L3MBTL4: variants seen among roughly 807,000 people sequenced by gnomAD.
L3MBTL4 encodes the protein lethal(3)malignant brain tumor-like protein 4.
L3MBTL4 carries 70 observed loss-of-function variants against 84.5 expected under a neutral mutation model. The ratio of observed to expected loss-of-function variants is 0.83; its 90% CI spans 0.68 to 1.01. The LOEUF is 1.01. Among genes scored for constraint, L3MBTL4 ranks in the 50% least tolerant of loss-of-function variants. The probability of loss-of-function intolerance (pLI) is 0.00; values close to 1 mark genes in which losing one functional copy is unlikely to be tolerated. For synonymous variants in L3MBTL4, 274 were observed against 259.8 expected (o/e 1.05, Z -0.52); for missense variants, 715 against 754.8 (o/e 0.95, Z 0.62).
At chr18:6,405,339 G>A (rs1309728634) in intron 1 of L3MBTL4, among the ~76,000 whole-genome samples, 2 of 152,162 alleles carry the variant, frequency 1.3e-5, no homozygotes, top group African/African-American at 4.8e-5. Context: ...TGGAGGGAGC[G>A]CAATGCGATC....
At chr18:5,959,283 C>T (rs2095250207) in intron 18 of L3MBTL4, among the ~76,000 whole-genome samples, 1 of 152,182 alleles carries the variant, frequency 6.6e-6, no homozygotes, top group Non-Finnish European at 1.5e-5. Flanking sequence ...CCTTTTCTTG[C>T]TCTGCCTCAC....
intron 16 of L3MBTL4, among the ~76,000 whole-genome samples, chr18:6,013,033 T>G (rs2054806689): frequency 6.6e-6 from 1 of 152,168 alleles, no homozygotes; most frequent in Admixed American, 6.5e-5. Flanking sequence ...TTTCCTCGCC[T>G]GATGGAGCAG....
At chr18:6,204,790 A>C (rs2045801545) in intron 12 of L3MBTL4, among the ~76,000 whole-genome samples, 1 of 152,150 alleles carries the variant, frequency 6.6e-6, no homozygotes, top group Admixed American at 6.5e-5. Context: ...ATTACACTGA[A>C]CTGTCACACT....
intron 15 of L3MBTL4, among the ~76,000 whole-genome samples, chr18:6,090,873 C>A (rs2058431426): frequency 6.7e-6 from 1 of 149,340 alleles, no homozygotes; most frequent in Admixed American, 6.7e-5. Flanking sequence ...TCTAATGTGA[C>A]AAATGTTGCT....
chr18:6,029,077 C>G (rs369858840), intron 16 of L3MBTL4, among the ~76,000 whole-genome samples: 1 of 152,094 alleles, frequency 6.6e-6, no homozygotes, highest in Non-Finnish European at 1.5e-5. Context: ...TTTAAATCAC[C>G]GAAACCATGA....
At chr18:5,980,369 G>A (rs965885454) in intron 16 of L3MBTL4, among the ~76,000 whole-genome samples, 1 of 150,916 alleles carries the variant, frequency 6.6e-6, no homozygotes, top group Non-Finnish European at 1.5e-5. Flanking sequence ...CGTCTCAGGT[G>A]TACACCATAT....
intron 16 of L3MBTL4, among the ~76,000 whole-genome samples, chr18:6,026,605 C>T (rs146536707): frequency 2.4e-4 from 36 of 152,284 alleles, no homozygotes; most frequent in African/African-American, 8.2e-4. Context: ...AAGTCATGAA[C>T]ACCTATTCAA....
rs1429702183 is a variant in L3MBTL4, at chr18:6,212,763, G to C, written c.981+386C>G. Among the ~76,000 whole-genome samples the C allele has an allele frequency of 2.0e-5, 3 of 152,292 alleles. No individual in the cohort carries two copies. In the East Asian group the frequency reaches 5.8e-4, roughly 29 times the overall value. ...CAAAACAGCAAATCCAAACAGAAAA[G>C]TATTAGAATATCTCTCAAAGTCAGT... On this transcript the variant is annotated intron_variant, in intron 12 of 18. Coordinates refer to ENST00000317931, the MANE Select transcript of L3MBTL4 (RefSeq NM_001330559.2).
intron 1 of L3MBTL4, among the ~76,000 whole-genome samples, chr18:6,338,179 A>AGAG (rs921191745): frequency 9.2e-5 from 14 of 151,706 alleles, no homozygotes; most frequent in African/African-American, 3.4e-4. Flanking sequence ...AGAAGGAGAA[A>AGAG]GAGGAGGAGG....
chr18:6,297,191 T>C (rs2050141740), intron 4 of L3MBTL4, among the ~76,000 whole-genome samples: 1 of 152,136 alleles, frequency 6.6e-6, no homozygotes, highest in Non-Finnish European at 1.5e-5. Flanking sequence ...CATGGTGAGT[T>C]GATGGCAGAT....
chr18:6,002,001 G>A (rs536376034), intron 16 of L3MBTL4, among the ~76,000 whole-genome samples: 2 of 152,114 alleles, frequency 1.3e-5, no homozygotes, highest in South Asian at 2.1e-4. Context: ...TACTATAATC[G>A]AACTTTCAAA....
chr18:6,305,660 A>C lies in L3MBTL4; in HGVS notation c.73-3703T>G, dbSNP rs542587526. ...CTGAAAAACAGGGAGATAATGGTTT[A>C]AGGAACATAAAATAAGTCTTTGCTA... On this transcript the variant is annotated intron_variant, in intron 3 of 18. Coordinates refer to ENST00000317931, the MANE Select transcript of L3MBTL4 (RefSeq NM_001330559.2). Among the ~76,000 whole-genome samples the C allele has an allele frequency of 2.0e-5, 3 of 152,340 alleles. No homozygotes were observed. The East Asian group carries it at 5.8e-4, about 29-fold the overall frequency.
At chr18:6,051,771 CG>C (rs1297992282) in intron 16 of L3MBTL4, among the ~76,000 whole-genome samples, 1 of 152,106 alleles carries the variant, frequency 6.6e-6, no homozygotes, top group Admixed American at 6.5e-5. Flanking sequence ...GTTTCCTCCT[CG>C]GAGTGGTGAG....
chr18:6,178,276 A>G (rs1448880233), intron 12 of L3MBTL4, among the ~76,000 whole-genome samples: 2 of 152,164 alleles, frequency 1.3e-5, no homozygotes, highest in African/African-American at 4.8e-5. Context: ...CAATGATGTG[A>G]TTCTCCCCTC....
intron 10 of L3MBTL4, among the ~76,000 whole-genome samples, chr18:6,219,333 T>C (rs192638966): frequency 6.6e-6 from 1 of 152,028 alleles, no homozygotes; most frequent in Admixed American, 6.5e-5. Context: ...GGCATAGAAC[T>C]GCGACAGCGA....
chr18:6,175,293 C>G (rs960151071), intron 12 of L3MBTL4, among the ~76,000 whole-genome samples: 3 of 152,056 alleles, frequency 2.0e-5, no homozygotes, highest in Non-Finnish European at 4.4e-5. Context: ...AAAACGCTAA[C>G]AGGAAACATA....
intron 16 of L3MBTL4, among the ~76,000 whole-genome samples, chr18:6,005,547 A>G (rs886729126): frequency 1.3e-5 from 2 of 152,094 alleles, no homozygotes; most frequent in African/African-American, 4.8e-5. Context: ...TGTCCATATG[A>G]ACTCGATGTT....
chr18:6,171,825 C>T lies in L3MBTL4; in HGVS notation c.1096+3G>A. 1 of 1,514,156 alleles carries T rather than the reference C, an allele frequency of 6.6e-7. No homozygotes were observed. Among genetic ancestry groups the T allele is most frequent in the Non-Finnish European group, 9.0e-7 (1 of 1,116,678 alleles). 93.8% of individuals were successfully genotyped at this position (1,514,156 alleles called of 1,614,324 possible). A position where few individuals can be genotyped will look rare whatever the true frequency, so the allele number is the denominator to read the frequency against. On this transcript the variant is annotated splice_donor_region_variant and intron_variant, in intron 13 of 18. Transcript: ENST00000317931. ...AAGCAACAACAAAGAGCAAAGTACT[C>T]ACGCTGTGGCACTTCCAGTGGATGC... is the stretch of plus-strand genomic sequence containing the variant.
chr18:6,329,762 T>A (rs2051928468), intron 1 of L3MBTL4, among the ~76,000 whole-genome samples: 1 of 152,114 alleles, frequency 6.6e-6, no homozygotes, highest in Non-Finnish European at 1.5e-5. Context: ...GATAACCCAT[T>A]AATCCATTCA....
Sources: gnomAD v4.1 joint callset for allele counts (sites outside exome capture counted in the v4.1 genomes callset) on GRCh38, gnomAD v4.1.1 for gene constraint, MANE v1.5 for transcripts, NCBI Gene and HGNC (gene_info 2026-07-23, HGNC 2026-07-21) for gene names.